The following MTA3 variants were observed in gnomAD, a reference collection of about 807,000 sequenced individuals.
The protein encoded by MTA3 is metastasis associated 1 family member 3.
In MTA3, 34 loss-of-function variants were observed where a neutral mutation model predicts 83.5. The ratio of observed to expected loss-of-function variants is 0.41; its 90% CI spans 0.31 to 0.54. The LOEUF is 0.54. Among genes scored for constraint, MTA3 ranks in the 20% least tolerant of loss-of-function variants. The pLI, the probability that MTA3 is intolerant of heterozygous loss-of-function variation, is 0.33. For synonymous variants in MTA3, 303 were observed against 252.7 expected (o/e 1.20, Z -1.89); for missense variants, 761 against 726.4 (o/e 1.05, Z -0.55).
At chr2:42,705,781 G>T (rs1666030108) in intron 12 of MTA3, among the ~76,000 whole-genome samples, 1 of 151,626 alleles carries the variant, frequency 6.6e-6, no homozygotes, top group African/African-American at 2.4e-5. Context: ...TGATTATTCT[G>T]TTATTTTTAT....
intron 3 of MTA3, among the ~76,000 whole-genome samples, chr2:42,601,026 C>CCT (rs1244808097): frequency 6.6e-6 from 1 of 152,150 alleles, no homozygotes; most frequent in Non-Finnish European, 1.5e-5. Context: ...CCTGCCTCAG[C>CCT]CTCCCGAGTA....
At chr2:42,629,033 A>G (rs986673332) in intron 4 of MTA3, among the ~76,000 whole-genome samples, 1 of 152,142 alleles carries the variant, frequency 6.6e-6, no homozygotes, top group Non-Finnish European at 1.5e-5. Flanking sequence ...AGTTTGGTTA[A>G]ATGCTCAGTG....
At position 42,510,685 on chromosome 2, in the gene MTA3, G is replaced by T. The variant is rs375462038; in HGVS notation, c.-141+15431G>T. Among the ~76,000 whole-genome samples, 7 of 152,158 alleles carry T rather than the reference G, an allele frequency of 4.6e-5. No homozygotes were observed. In the East Asian group the frequency reaches 1.2e-3, roughly 25 times the overall value. ...AAAATGTAGAGGGCTGTTGCCCTGG[G>T]GGTAGATTGACATCCCTGATATCCA... On this transcript the variant is annotated intron_variant, in intron 2 of 17. Transcript: ENST00000405592.
intron 2 of MTA3, among the ~76,000 whole-genome samples, chr2:42,518,593 A>G (rs1002881566): frequency 2.0e-5 from 3 of 152,196 alleles, no homozygotes; most frequent in African/African-American, 7.2e-5. Context: ...ATAATTCCAA[A>G]TCATTGATGT....
chr2:42,573,965 C>T (rs1030984841), intron 2 of MTA3, among the ~76,000 whole-genome samples: 1 of 151,326 alleles, frequency 6.6e-6, no homozygotes, highest in Non-Finnish European at 1.5e-5. Flanking sequence ...ACTACAGGAG[C>T]CTGCCACTAC....
chr2:42,559,809 G>A (rs1677579460), intron 2 of MTA3, among the ~76,000 whole-genome samples: 1 of 138,536 alleles, frequency 7.2e-6, no homozygotes, highest in Non-Finnish European at 1.6e-5. Flanking sequence ...CCGGGGCGGG[G>A]GGCGGGCAGG....
intron 2 of MTA3, among the ~76,000 whole-genome samples, chr2:42,501,169 G>C (rs1674378859): frequency 6.6e-6 from 1 of 152,140 alleles, no homozygotes; most frequent in African/African-American, 2.4e-5. Context: ...TAAAGGAAAA[G>C]GAGTTTAGGC....
At chr2:42,708,465 C>G (rs1666301298) in intron 13 of MTA3, among the ~76,000 whole-genome samples, 1 of 152,122 alleles carries the variant, frequency 6.6e-6, no homozygotes, top group African/African-American at 2.4e-5. Flanking sequence ...TTGAGGTGAA[C>G]AACAGTTTAA....
intron 4 of MTA3, among the ~76,000 whole-genome samples, chr2:42,637,310 A>G (rs1000679059): frequency 6.6e-6 from 1 of 152,206 alleles, no homozygotes; most frequent in Non-Finnish European, 1.5e-5. Context: ...ACTTCATATC[A>G]TGCTTGGGCA....
intron 2 of MTA3, among the ~76,000 whole-genome samples, chr2:42,515,639 A>C (rs1334978213): frequency 6.6e-6 from 1 of 151,212 alleles, no homozygotes; most frequent in African/African-American, 2.4e-5. Context: ...AGTAGCTGGG[A>C]TTACAGGTGT....
At chr2:42,577,105 A>AAAAAAATATATATAT (rs1211189566) in intron 2 of MTA3, among the ~76,000 whole-genome samples, 3 of 86,948 alleles carry the variant, frequency 3.5e-5, no homozygotes, top group African/African-American at 1.6e-4. Context: ...AAAAAAAAAA[A>AAAAAAATATATATAT]ATATATATAT....
intron 2 of MTA3, among the ~76,000 whole-genome samples, chr2:42,515,392 C>G (rs1398078443): frequency 6.6e-6 from 1 of 152,058 alleles, no homozygotes; most frequent in Non-Finnish European, 1.5e-5. Flanking sequence ...CTATGTTGTC[C>G]AAGCTAGTCT....
intron 2 of MTA3, among the ~76,000 whole-genome samples, chr2:42,529,563 G>A (rs929606247): frequency 2.0e-5 from 3 of 152,176 alleles, no homozygotes; most frequent in Admixed American, 2.0e-4. Flanking sequence ...TCAGTGATTG[G>A]CACCAAGCAT....
intron 2 of MTA3, among the ~76,000 whole-genome samples, chr2:42,525,726 C>T (rs972101579): frequency 2.6e-5 from 4 of 151,652 alleles, no homozygotes; most frequent in South Asian, 2.1e-4. Flanking sequence ...GGCACAATCT[C>T]GGCTCACTGT....
intron 8 of MTA3, among the ~76,000 whole-genome samples, chr2:42,677,763 C>A (rs1050851638): frequency 5.3e-5 from 8 of 152,184 alleles, no homozygotes; most frequent in Non-Finnish European, 8.8e-5. Context: ...CCTCCCCAGC[C>A]ATGTGGAACT....
At chr2:42,520,728 G>T (rs1207082936) in intron 2 of MTA3, among the ~76,000 whole-genome samples, 1 of 152,026 alleles carries the variant, frequency 6.6e-6, no homozygotes, top group East Asian at 1.9e-4. Context: ...ACCACACCGG[G>T]CTAATTTTTG....
intron 16 of MTA3, among the ~76,000 whole-genome samples, chr2:42,735,176 G>C (rs2104570597): frequency 6.6e-6 from 1 of 152,138 alleles, no homozygotes; most frequent in East Asian, 1.9e-4. Context: ...TTTAGCTTTT[G>C]TTTGTCTGGG....
intron 4 of MTA3, among the ~76,000 whole-genome samples, chr2:42,613,440 A>G (rs980917241): frequency 3.9e-5 from 6 of 152,226 alleles, no homozygotes; most frequent in African/African-American, 1.4e-4. Context: ...GTCCCTGGCC[A>G]AGGCATGGAG....
chr2:42,521,835 G>A (rs10187721), intron 2 of MTA3, among the ~76,000 whole-genome samples: 12,267 of 147,302 alleles, frequency 0.083, 664 homozygotes, highest in Middle Eastern at 0.14. Flanking sequence ...GCTCACTGCA[G>A]CTTCCGCCTC....
Sources: allele counts gnomAD v4.1 joint callset (sites outside exome capture counted in the v4.1 genomes callset), GRCh38; gene constraint gnomAD v4.1.1; transcripts MANE v1.5; gene names NCBI Gene and HGNC (gene_info 2026-07-23, HGNC 2026-07-21).